The following ABCB5 variants were observed in gnomAD, a reference collection of about 807,000 sequenced individuals.
The protein encoded by ABCB5 is ATP-binding cassette sub-family B member 5.
Under a neutral mutation model 144.2 loss-of-function variants are expected in ABCB5, and 155 were observed. That is an observed-to-expected ratio of 1.08 (90% CI 0.94 to 1.23). The LOEUF (loss-of-function observed/expected upper bound fraction) is 1.23, where lower values mean the gene tolerates loss of function less well. Ranked by LOEUF, ABCB5 falls within the 50% of genes most tolerant of loss-of-function variation. The pLI is 0.00. For missense variants in ABCB5, 1,830 were observed against 1,520.8 expected (o/e 1.20, Z -3.38); for synonymous variants, 610 against 528.6 (o/e 1.15, Z -2.11).
rs1412913969 is a variant in ABCB5, at chr7:20,623,358, T to C, written c.53+20T>C. 6.5e-7 allele frequency: 1 copy of C among 1,532,878 alleles called. No individual in the cohort carries two copies. The highest frequency in any genetic ancestry group is 2.0e-5 in the Admixed American group (1 of 50,910). The allele number at this position is 1,532,878 out of a possible 1,614,324, so 95.0% of individuals were successfully genotyped here. On this transcript the variant is annotated intron_variant, in intron 2 of 27. Transcript: ENST00000404938. ...AAATGGGTAAGCTCTCACTAAGTTC[T>C]GTAAGTATGCTTCCACAACTTCAAA...
intron 19 of ABCB5, among the ~76,000 whole-genome samples, chr7:20,703,615 A>AT (rs35238310): frequency 0.83 from 125,767 of 152,066 alleles, 52,151 homozygotes; most frequent in Admixed American, 0.89. Flanking sequence ...GTAAGCCAAG[A>AT]TTTTTTTGTT....
intron 14 of ABCB5, among the ~76,000 whole-genome samples, chr7:20,664,007 C>A (rs996629644): frequency 1.4e-5 from 2 of 147,982 alleles, no homozygotes; most frequent in Admixed American, 1.4e-4. Context: ...TGAGCCACTG[C>A]GCCCAGTCAG....
chr7:20,633,579 T>A (rs1296505122), intron 5 of ABCB5, among the ~76,000 whole-genome samples: 1 of 152,184 alleles, frequency 6.6e-6, no homozygotes, highest in African/African-American at 2.4e-5. Flanking sequence ...AATTAGCATA[T>A]TCATTATCTC....
intron 5 of ABCB5, among the ~76,000 whole-genome samples, chr7:20,633,582 A>T (rs1784086038): frequency 6.6e-6 from 1 of 152,178 alleles, no homozygotes; most frequent in Non-Finnish European, 1.5e-5. Flanking sequence ...TAGCATATTC[A>T]TTATCTCAAA....
intron 20 of ABCB5, among the ~76,000 whole-genome samples, chr7:20,707,801 C>CTTTTTTTTTTTTTTTTTTT: frequency 1.1e-5 from 1 of 93,088 alleles, no homozygotes; most frequent in Non-Finnish European, 2.0e-5. Flanking sequence ...AACCTCATTT[C>CTTTTTTTTTTTTTTTTTTT]TTTTTTTTTT....
chr7:20,645,869 A>G lies in ABCB5; in HGVS notation c.792A>G (p.Lys264=), dbSNP rs1202611937. The change falls in exon 8 of 28, where the codon AAA becomes AAG. Residue 264 remains lysine, a synonymous_variant. Coordinates refer to ENST00000404938, the MANE Select transcript of ABCB5 (RefSeq NM_001163941.2). ...RTVIAFRAQE[K]ELQRYTQNLK... The stretch of plus-strand genomic sequence containing the variant: ...TCATAGCCTTTAGGGCCCAGGAGAA[A>G]GAACTTCAAAGGTCTTTCCTTTTAA... 1 of 1,613,700 alleles carries G rather than the reference A, an allele frequency of 6.2e-7. No individual in the cohort carries two copies. Among genetic ancestry groups the G allele is most frequent in the Admixed American group, 1.7e-5 (1 of 59,982 alleles).
chr7:20,662,671 T>C (rs77663125), intron 14 of ABCB5, among the ~76,000 whole-genome samples: 8,474 of 152,058 alleles, frequency 0.056, 337 homozygotes, highest in South Asian at 0.13. Context: ...GACTACCTCA[T>C]GCAAAAAACA....
At chr7:20,677,875 A>G (rs1159809120) in intron 14 of ABCB5, among the ~76,000 whole-genome samples, 1 of 152,214 alleles carries the variant, frequency 6.6e-6, no homozygotes, top group African/African-American at 2.4e-5. Context: ...TACCTCTGTC[A>G]ATGATCAAGA....
At position 20,723,008 on chromosome 7, in the gene ABCB5, GA is replaced by G. The variant is rs774252176; in HGVS notation, c.2422-7del. On this transcript the variant is annotated splice_region_variant and splice_polypyrimidine_tract_variant and intron_variant, in intron 20 of 27. Coordinates refer to ENST00000404938, the MANE Select transcript of ABCB5 (RefSeq NM_001163941.2). ...GAGTTTTTTCCCCCAAAATATGTCT[GA>G]TTATAGGCAACAGGTTCCAGGATTG... is the stretch of plus-strand genomic sequence containing the variant. 1.9e-6 allele frequency: 3 copies of G among 1,613,730 alleles called. No individual in the cohort carries two copies. The South Asian group carries it at 3.3e-5, about 18-fold the overall frequency.
intron 16 of ABCB5, among the ~76,000 whole-genome samples, chr7:20,688,332 C>T (rs1026897142): frequency 3.3e-5 from 5 of 152,122 alleles, no homozygotes; most frequent in African/African-American, 1.2e-4. Context: ...AGATAGAAAG[C>T]ACACAATGAA....
chr7:20,751,624 T>C (rs1782933481), intron 26 of ABCB5, among the ~76,000 whole-genome samples: 1 of 152,212 alleles, frequency 6.6e-6, no homozygotes, highest in Non-Finnish European at 1.5e-5. Flanking sequence ...AGAATTCATG[T>C]ACAATTTAAG....
intron 5 of ABCB5, among the ~76,000 whole-genome samples, chr7:20,642,474 C>T (rs1784314142): frequency 6.6e-6 from 1 of 152,180 alleles, no homozygotes; most frequent in Non-Finnish European, 1.5e-5. Context: ...CATGTTTACT[C>T]ACCAGTTATT....
In ABCB5 at chr7:20,684,600, T is replaced by C. The variant is rs180991552; in HGVS notation, c.1870-1096T>C. On this transcript the variant is annotated intron_variant, in intron 15 of 27. Transcript: ENST00000404938. ...GAGACCTACTCTCTAAATAAGTAAA[T>C]AAATAAATAAAAACAAAAAATAAAA... 1.8e-4 allele frequency among the ~76,000 whole-genome samples: 26 copies of C among 147,094 alleles called. No homozygotes were observed. In the East Asian group the frequency reaches 4.7e-3, roughly 26 times the overall value.
intron 26 of ABCB5, among the ~76,000 whole-genome samples, chr7:20,752,940 G>T (rs777661572): frequency 6.6e-6 from 1 of 152,156 alleles, no homozygotes; most frequent in Non-Finnish European, 1.5e-5. Flanking sequence ...GCCCACAGAG[G>T]CTCAGCAAGA....
chr7:20,680,663 T>A (rs2128038588), intron 14 of ABCB5, among the ~76,000 whole-genome samples: 1 of 152,194 alleles, frequency 6.6e-6, no homozygotes, highest in East Asian at 1.9e-4. Flanking sequence ...GATACCATGA[T>A]ACGGGCAAAT....
rs1158655846 is a variant in ABCB5 at position 20,646,083 on chromosome 7, G to A, written c.926G>A (p.Gly309Glu). The A allele has an allele frequency of 6.2e-7, 1 of 1,613,596 alleles. No individual in the cohort carries two copies. Among genetic ancestry groups the A allele is most frequent in the Non-Finnish European group, 8.5e-7 (1 of 1,179,756 alleles). Residue 309 changes from glycine to glutamate, a missense_variant, in exon 9 of 28, where the codon GGA becomes GAA. By Grantham distance (98) the Gly-to-Glu change is moderately conservative. Coordinates refer to ENST00000404938, the MANE Select transcript of ABCB5 (RefSeq NM_001163941.2). ...NGTYGLAFWYGTSLILNGEPG... is the reference protein window; with the variant it reads ...NGTYGLAFWYETSLILNGEPG... ...ACCTATGGACTTGCTTTTTGGTATG[G>A]AACCTCCTTGATTCTTAATGGAGAA...
At chr7:20,736,164 C>T (rs958778456) in intron 23 of ABCB5, among the ~76,000 whole-genome samples, 5 of 152,090 alleles carry the variant, frequency 3.3e-5, no homozygotes, top group Non-Finnish European at 5.9e-5. Context: ...TTTGACCTGC[C>T]GTGCTAATCT....
chr7:20,630,970 T>C (rs1324432372), intron 4 of ABCB5, among the ~76,000 whole-genome samples: 2 of 152,174 alleles, frequency 1.3e-5, no homozygotes, highest in East Asian at 1.9e-4. Flanking sequence ...TTATAACACA[T>C]TGTTAAAGAG....
chr7:20,659,221 G>A, intron 14 of ABCB5: 1 of 1,583,906 alleles, frequency 6.3e-7, no homozygotes, highest in African/African-American at 1.3e-5. Context: ...ATATGCAGTT[G>A]TGGCCCTGCA....
Sources: gnomAD v4.1 joint callset for allele counts (sites outside exome capture counted in the v4.1 genomes callset) on GRCh38, gnomAD v4.1.1 for gene constraint, MANE v1.5 for transcripts, NCBI Gene and HGNC (gene_info 2026-07-23, HGNC 2026-07-21) for gene names.